The following PTPRS variants were observed in gnomAD, a reference collection of about 807,000 sequenced individuals.
PTPRS encodes protein tyrosine phosphatase receptor type S, also known as receptor-type tyrosine-protein phosphatase S.
Under a neutral mutation model 215.3 loss-of-function variants are expected in PTPRS, and 63 were observed. The observed-to-expected ratio is 0.29, with a 90% CI of 0.24 to 0.36. The LOEUF is 0.36. PTPRS is among the 10% of genes least tolerant of loss of function. The probability of loss-of-function intolerance (pLI) is 1.00; values close to 1 mark genes in which losing one functional copy is unlikely to be tolerated. For missense variants in PTPRS, 2,258 were observed against 2,825.8 expected, an observed-to-expected ratio of 0.80 and a Z score of 4.56; for synonymous variants, 1,404 against 1,191.4, an observed-to-expected ratio of 1.18 and a Z score of -3.68.
chr19:5,314,603 T>C (rs1184363277), intron 1 of PTPRS, among the ~76,000 whole-genome samples: 1 of 152,148 alleles, frequency 6.6e-6, no homozygotes, highest in Non-Finnish European at 1.5e-5. Context: ...TTGCCCAGGC[T>C]GGTCTTGAAC....
At chr19:5,336,933 A>G (rs1025949470) in intron 1 of PTPRS, among the ~76,000 whole-genome samples, 8 of 152,156 alleles carry the variant, frequency 5.3e-5, no homozygotes, top group African/African-American at 1.9e-4. Context: ...GCAAATTCTA[A>G]GAGGACACCC....
intron 4 of PTPRS, among the ~76,000 whole-genome samples, chr19:5,269,567 C>T (rs1468249436): frequency 6.6e-6 from 1 of 152,008 alleles, no homozygotes; most frequent in East Asian, 1.9e-4. Flanking sequence ...CCCCGGGCCC[C>T]AGCAGGAAGA....
Position 5,257,908 on chromosome 19 carries a change from C to T in PTPRS, c.706+109G>A. ...CCACCGCGACCGGGGAGGGGCCTTC[C>T]TGCTTGGGTGTGCAGGGGACGGGGG... On this transcript the variant is annotated intron_variant, in intron 8 of 37. Transcript: ENST00000262963. This position sits in a 1 kb window ranked among gnomAD's most constrained non-coding sequence, Gnocchi z 4.4. 1 of 923,218 alleles carries T rather than the reference C, an allele frequency of 1.1e-6. No individual in the cohort carries two copies. The highest frequency in any genetic ancestry group is 2.5e-5 in the East Asian group (1 of 40,728). 57.2% of individuals were successfully genotyped at this position (923,218 alleles called of 1,614,324 possible).
At chr19:5,326,865 A>G (rs187016652) in intron 1 of PTPRS, among the ~76,000 whole-genome samples, 7 of 152,108 alleles carry the variant, frequency 4.6e-5, no homozygotes, top group African/African-American at 1.7e-4. Context: ...GAAGGAAGGA[A>G]AGAAGGAATG....
intron 14 of PTPRS, among the ~76,000 whole-genome samples, chr19:5,230,854 C>T (rs2042953413): frequency 6.6e-6 from 1 of 152,196 alleles, no homozygotes; most frequent in South Asian, 2.1e-4. Flanking sequence ...CACTGCCTTG[C>T]TTTCCAGCTT....
In PTPRS at chr19:5,284,833, A is replaced by C. The variant is rs145794357; in HGVS notation, c.91+1217T>G. Among the ~76,000 whole-genome samples, 13 of 152,234 alleles carry C rather than the reference A, an allele frequency of 8.5e-5. 1 individual carries two copies. In the East Asian group the frequency reaches 2.5e-3, roughly 29 times the overall value. ...CATGGTGGCCCACGCCTGTAGTCCC[A>C]GCTACCTGGGAGGCTGAGGTGGGAG... On this transcript the variant is annotated intron_variant, in intron 2 of 37. Coordinates refer to ENST00000262963, the MANE Select transcript of PTPRS (RefSeq NM_002850.4).
At chr19:5,318,613 GCTGATAGA>G (rs1183729114) in intron 1 of PTPRS, among the ~76,000 whole-genome samples, 1 of 152,162 alleles carries the variant, frequency 6.6e-6, no homozygotes, top group African/African-American at 2.4e-5. Flanking sequence ...CTGAGAAGCA[GCTGATAGA>G]CTGCAGATAT....
rs1249594485 is a variant in PTPRS, at chr19:5,231,291, G to A, written c.2155+19C>T. The A allele has an allele frequency of 1.3e-6, 2 of 1,585,554 alleles. No homozygotes were observed. The highest frequency in any genetic ancestry group is 1.7e-6 in the Non-Finnish European group (2 of 1,168,654). ...GGCTGGGGCCTGCGGGGGGTCCCGG[G>A]CCTGGGGCAGGTACTTACCATCCTC... On this transcript the variant is annotated intron_variant, in intron 14 of 37. Transcript: ENST00000262963.
At chr19:5,273,728 T>C (rs373701449) in intron 3 of PTPRS, 145 bp from the exon 4 acceptor site, 59 of 1,024,766 alleles carry the variant, frequency 5.8e-5, no homozygotes, top group Non-Finnish European at 8.1e-5. Context: ...GCAGGCTGAA[T>C]GTGCACGTGT....
At chr19:5,208,642 C>T (rs2040586930) in intron 35 of PTPRS, among the ~76,000 whole-genome samples, 3 of 152,138 alleles carry the variant, frequency 2.0e-5, no homozygotes, top group Admixed American at 2.0e-4. Flanking sequence ...GCCACCAGGC[C>T]CGGCCCTCAC....
At chr19:5,320,955 C>A (rs2050009440) in intron 1 of PTPRS, among the ~76,000 whole-genome samples, 1 of 152,144 alleles carries the variant, frequency 6.6e-6, no homozygotes, top group African/African-American at 2.4e-5. Flanking sequence ...TCAACACAGT[C>A]TCAACGAATG....
rs765188450 is a variant in PTPRS at position 5,243,839 on chromosome 19, G to A, written c.1570+62C>T. On this transcript the variant is annotated intron_variant, in intron 11 of 37. Coordinates refer to ENST00000262963, the MANE Select transcript of PTPRS (RefSeq NM_002850.4). ...CACAAACCGCTCTGCGGCTTCCAGG[G>A]AGCATGCAAAGAACCAAGCCGCACG... 2.1e-4 allele frequency: 276 copies of A among 1,341,022 alleles called. 1 individual carries two copies. Among genetic ancestry groups the A allele is most frequent in the Non-Finnish European group, 2.5e-4 (258 of 1,013,992 alleles). 83.1% of individuals were successfully genotyped at this position (1,341,022 alleles called of 1,614,324 possible).
chr19:5,229,399 G>T, intron 15 of PTPRS, 57 bp from the exon 16 acceptor site: 1 of 1,357,810 alleles, frequency 7.4e-7, no homozygotes, highest in Non-Finnish European at 9.5e-7. Context: ...GGGGAGGCCA[G>T]AGATGGAGAA....
Position 5,212,009 on chromosome 19 carries a change from C to T in PTPRS, c.5011G>A (p.Val1671Met). The T allele has an allele frequency of 7.4e-6, 12 of 1,613,360 alleles. No homozygotes were observed. Among genetic ancestry groups the T allele is most frequent in the Non-Finnish European group, 8.5e-6 (10 of 1,179,878 alleles). Reference sequence around the variant, plus strand: ...CCAGTGACGTGTTCGCCAGGCTCCACCTGGGCCAGCTTCTGGATGTAGGCA... The same window carrying T: ...CCAGTGACGTGTTCGCCAGGCTCCATCTGGGCCAGCTTCTGGATGTAGGCA... ...LYAYIQKLAQ[V>M]EPGEHVTGME... is the part of the protein sequence containing the mutation. The change falls in exon 32 of 38, where the codon GTG becomes ATG. Residue 1671 changes from valine to methionine, a missense_variant. By Grantham distance (21) the Val-to-Met change is conservative (BLOSUM62 1). Coordinates refer to ENST00000262963, the MANE Select transcript of PTPRS (RefSeq NM_002850.4).
At chr19:5,298,913 T>C (rs2049222162) in intron 1 of PTPRS, among the ~76,000 whole-genome samples, 1 of 152,110 alleles carries the variant, frequency 6.6e-6, no homozygotes, top group Non-Finnish European at 1.5e-5. Flanking sequence ...CCTCACTGCT[T>C]TTCCTCCCTC....
Position 5,287,996 on chromosome 19 carries a change from ACACAC to A in PTPRS, c.-94-1767_-94-1763del. Among the ~76,000 whole-genome samples, 1 of 151,094 alleles carries A rather than the reference ACACAC, an allele frequency of 6.6e-6. No individual in the cohort carries two copies. The highest frequency in any genetic ancestry group is 1.5e-5 in the Non-Finnish European group (1 of 67,862). ...CACACACACACACACACACACACACACACACACACACACAATCAGGCAAATAAAAC... is the reference window on the plus strand; with the variant it reads ...CACACACACACACACACACACACACAACACACACAATCAGGCAAATAAAAC... On this transcript the variant is annotated intron_variant, in intron 1 of 37. Coordinates refer to ENST00000262963, the MANE Select transcript of PTPRS (RefSeq NM_002850.4). This position sits in a 1 kb window ranked among gnomAD's most constrained non-coding sequence, Gnocchi z 4.8.
chr19:5,229,234 T>G, intron 16 of PTPRS, 82 bp downstream of exon 16: 8 of 1,294,456 alleles, frequency 6.2e-6, no homozygotes, highest in Non-Finnish European at 6.9e-6. Context: ...CTACTGATGA[T>G]AAGGGGCGTG....
At chr19:5,223,360 TG>T in intron 17 of PTPRS, 63 bp from the exon 18 acceptor site, 1 of 1,389,748 alleles carries the variant, frequency 7.2e-7, no homozygotes, top group Non-Finnish European at 9.3e-7. Context: ...AGGCACAAGG[TG>T]GGGTTGTATT....
chr19:5,251,765 C>T (rs534873053), intron 9 of PTPRS, among the ~76,000 whole-genome samples: 67 of 152,190 alleles, frequency 4.4e-4, no homozygotes, highest in Non-Finnish European at 7.8e-4. Flanking sequence ...CCCCTCTCCC[C>T]GATGTGATGA....
Sources: gnomAD v4.1 joint callset for allele counts (sites outside exome capture counted in the v4.1 genomes callset) on GRCh38, gnomAD v4.1.1 for gene constraint, Gnocchi (gnomAD v3.1) non-coding constraint, MANE v1.5 for transcripts, NCBI Gene and HGNC (gene_info 2026-07-23, HGNC 2026-07-21) for gene names.